PLEKHG1: variants seen among roughly 807,000 people sequenced by gnomAD.
PLEKHG1 encodes pleckstrin homology domain-containing family G member 1.
PLEKHG1 carries 44 observed loss-of-function variants against 100.8 expected under a neutral mutation model. The ratio of observed to expected loss-of-function variants is 0.44; its 90% CI spans 0.34 to 0.56. The LOEUF is 0.56. PLEKHG1 is among the 20% of genes least tolerant of loss of function. The pLI is 0.01. For synonymous variants in PLEKHG1, 640 were observed against 662.5 expected, an observed-to-expected ratio of 0.97 and a Z score of 0.52; for missense variants, 1,545 against 1,720.9, an observed-to-expected ratio of 0.90 and a Z score of 1.81.
chr6:150,666,671 G>A lies in PLEKHG1; in HGVS notation c.-99+15885G>A, dbSNP rs148945333. Among the ~76,000 whole-genome samples, 456 of 152,170 alleles carry A rather than the reference G, an allele frequency of 3.0e-3. 3 individuals carry two copies. Among genetic ancestry groups the A allele is most frequent in the African/African-American group, 0.01 (429 of 41,512 alleles). The stretch of plus-strand genomic sequence containing the variant: ...GAGAGCTGGCAATACCATCAAACGT[G>A]CACAGCAAGTTCATGTCAGAGACTG... On this transcript the variant is annotated intron_variant, in intron 3 of 3. Transcript: ENST00000367326.
At chr6:150,686,598 C>T (rs951437811) in intron 3 of PLEKHG1, among the ~76,000 whole-genome samples, 1 of 152,182 alleles carries the variant, frequency 6.6e-6, no homozygotes, top group Non-Finnish European at 1.5e-5. Context: ...CCTTTCTCTT[C>T]TGTTGATTGA....
exon 16 of PLEKHG1, chr6:150,841,246 C>A: frequency 3.0e-6 from 1 of 335,288 alleles, no homozygotes. Context: ...ATCCAGAAGG[C>A]CCAGGTAGTT....
intron 3 of PLEKHG1, among the ~76,000 whole-genome samples, chr6:150,772,988 G>A (rs1384864567): frequency 2.0e-5 from 3 of 152,096 alleles, no homozygotes; most frequent in South Asian, 4.2e-4. Flanking sequence ...CTTTAATTAT[G>A]GTTTATTTGA....
chr6:150,659,343 C>T (rs1457132702), intron 3 of PLEKHG1, among the ~76,000 whole-genome samples: 2 of 152,066 alleles, frequency 1.3e-5, no homozygotes, highest in African/African-American at 4.8e-5. Flanking sequence ...TGGGTACAAC[C>T]AGAACTCTCT....
At chr6:150,682,788 C>A (rs1781057551) in intron 3 of PLEKHG1, among the ~76,000 whole-genome samples, 1 of 152,090 alleles carries the variant, frequency 6.6e-6, no homozygotes, top group South Asian at 2.1e-4. Flanking sequence ...TCATGCCTGC[C>A]CAGTTTTCCC....
chr6:150,605,472 A>T (rs1432494578), intron 1 of PLEKHG1: 1 of 152,238 alleles, frequency 6.6e-6, no homozygotes, highest in African/African-American at 2.4e-5. Context: ...TTTAGTTCAG[A>T]GTCTGACATG....
rs1394564255 is a variant in PLEKHG1, at chr6:150,674,628, CCTCCCTCTCT to C, written c.-99+23846_-99+23855del. On this transcript the variant is annotated intron_variant, in intron 3 of 3. Coordinates refer to the PLEKHG1 transcript ENST00000367326. ...ATTACACCTGTAACTTTCTCTCTCT[CCTCCCTCTCT>C]CTCTCTCTCTCTCTCTCTCTCTCTC... is the stretch of plus-strand genomic sequence containing the variant. Among the ~76,000 whole-genome samples the C allele has an allele frequency of 1.2e-3, 63 of 51,896 alleles. 2 individuals are homozygous for C. Among genetic ancestry groups the C allele is most frequent in the African/African-American group, 2.7e-3 (36 of 13,128 alleles). The allele number at this position is 51,896 out of a possible 152,430, so 34.0% of individuals were successfully genotyped here.
intron 3 of PLEKHG1, among the ~76,000 whole-genome samples, chr6:150,691,505 C>T (rs1780348817): frequency 6.6e-6 from 1 of 152,148 alleles, no homozygotes; most frequent in Admixed American, 6.5e-5. Context: ...ATTTCAAAGG[C>T]CTACAGACTA....
At chr6:150,655,707 C>CAAAAAAAAAAA in intron 3 of PLEKHG1, among the ~76,000 whole-genome samples, 1 of 38,374 alleles carries the variant, frequency 2.6e-5, no homozygotes, top group Non-Finnish European at 5.3e-5. Flanking sequence ...GACTCCATCT[C>CAAAAAAAAAAA]AAAAAAAAAA....
intron 3 of PLEKHG1, chr6:150,686,798 G>A (rs1780149624): frequency 6.6e-6 from 1 of 152,612 alleles, no homozygotes; most frequent in Non-Finnish European, 1.5e-5. Context: ...CTGCAAGGAG[G>A]ACATGATTCT....
chr6:150,728,348 C>T (rs1782062938), intron 1 of PLEKHG1, among the ~76,000 whole-genome samples: 1 of 152,186 alleles, frequency 6.6e-6, no homozygotes, highest in Non-Finnish European at 1.5e-5. Context: ...AATCTCAGCA[C>T]TTTGGGAGGC....
intron 5 of PLEKHG1, among the ~76,000 whole-genome samples, chr6:150,797,834 C>CAAAAAAAAAAAAAAA (rs58218481): frequency 8.4e-5 from 2 of 23,882 alleles, no homozygotes; most frequent in Non-Finnish European, 1.4e-4. Flanking sequence ...GACTCTGTCT[C>CAAAAAAAAAAAAAAA]AAAAAAAAAA....
At position 150,673,851 on chromosome 6, in the gene PLEKHG1, A is replaced by G. The variant is rs1582922770; in HGVS notation, c.-99+23065A>G. 2.0e-5 allele frequency among the ~76,000 whole-genome samples: 3 copies of G among 152,192 alleles called. No individual in the cohort carries two copies. The East Asian group carries it at 5.8e-4, about 29-fold the overall frequency. ...AAATTTTTTTGTATTTTTTGTAGAG[A>G]TGAGCTTTTGCTATGTTGCTGCGGG... On this transcript the variant is annotated intron_variant, in intron 3 of 3. Coordinates refer to the PLEKHG1 transcript ENST00000367326.
At chr6:150,821,665 C>T (rs1776307681) in intron 13 of PLEKHG1, among the ~76,000 whole-genome samples, 1 of 151,708 alleles carries the variant, frequency 6.6e-6, no homozygotes, top group African/African-American at 2.4e-5. Context: ...GCCTGGGCAA[C>T]AGAGTGAGAC....
chr6:150,779,926 G>A (rs1032632437), intron 3 of PLEKHG1, among the ~76,000 whole-genome samples: 1 of 150,894 alleles, frequency 6.6e-6, no homozygotes, highest in African/African-American at 2.4e-5. Context: ...TCACACTACT[G>A]CACACCAGCC....
chr6:150,795,395 C>A (rs866727050), intron 4 of PLEKHG1, among the ~76,000 whole-genome samples: 97 of 143,406 alleles, frequency 6.8e-4, no homozygotes, highest in African/African-American at 8.7e-4. Flanking sequence ...GATTCCATCT[C>A]AAAAAAAAAA....
chr6:150,666,563 C>T (rs1435487841), intron 3 of PLEKHG1, among the ~76,000 whole-genome samples: 1 of 152,158 alleles, frequency 6.6e-6, no homozygotes, highest in Non-Finnish European at 1.5e-5. Flanking sequence ...CTCACCTCTG[C>T]AGTACCTAGG....
Position 150,831,682 on chromosome 6 carries a change from C to T in PLEKHG1, c.2571C>T (p.Leu857=). Residue 857 remains leucine, a synonymous_variant, in exon 15 of 16, where the codon CTC becomes CTT. Transcript: ENST00000358517. The surrounding 1 kb of genome is among the most constrained non-coding windows in gnomAD (Gnocchi z 4.1). The stretch of plus-strand genomic sequence containing the variant: ...ATGAAGACAAGGCCAGAGACCGTCT[C>T]CTGGCAGCGTTTCCTGTGAGCAAGG... 1 of 1,612,966 alleles carries T rather than the reference C, an allele frequency of 6.2e-7. No homozygotes were observed. Among genetic ancestry groups the T allele is most frequent in the Non-Finnish European group, 8.5e-7 (1 of 1,180,016 alleles).
intron 2 of PLEKHG1, among the ~76,000 whole-genome samples, chr6:150,642,020 A>G (rs1448691580): frequency 6.6e-6 from 1 of 152,040 alleles, no homozygotes; most frequent in Non-Finnish European, 1.5e-5. Context: ...CCTGGGTAAA[A>G]AAAAACTGTG....
Sources: gnomAD v4.1 joint callset for allele counts (sites outside exome capture counted in the v4.1 genomes callset) on GRCh38, gnomAD v4.1.1 for gene constraint, Gnocchi (gnomAD v3.1) non-coding constraint, MANE v1.5 for transcripts, NCBI Gene and HGNC (gene_info 2026-07-23, HGNC 2026-07-21) for gene names.